FBN2: variants seen among roughly 807,000 people sequenced by gnomAD.
FBN2 encodes fibrillin-2.
A neutral mutation model predicts 355.6 loss-of-function variants in FBN2; 105 were observed. The ratio of observed to expected loss-of-function variants is 0.30; its 90% CI spans 0.25 to 0.35. FBN2 has a LOEUF of 0.35. FBN2 is among the 10% of genes least tolerant of loss of function. The pLI is 1.00. For synonymous variants in FBN2, 1,350 were observed against 1,301.2 expected (o/e 1.04, Z -0.81); for missense variants, 3,280 against 3,758.7 (o/e 0.87, Z 3.33).
At chr5:128,433,046 A>C (rs534077131) in intron 7 of FBN2, among the ~76,000 whole-genome samples, 1 of 152,132 alleles carries the variant, frequency 6.6e-6, no homozygotes, top group Non-Finnish European at 1.5e-5. Context: ...TGATCCAATC[A>C]CCTCCCACCA....
At chr5:128,405,084 T>C (rs1211656059) in intron 8 of FBN2, among the ~76,000 whole-genome samples, 2 of 152,224 alleles carry the variant, frequency 1.3e-5, no homozygotes, top group African/African-American at 2.4e-5. Context: ...GGTGGGACAA[T>C]TGCTTGAACC....
intron 34 of FBN2, among the ~76,000 whole-genome samples, chr5:128,325,810 AT>A (rs1304378613): frequency 2.0e-5 from 3 of 151,694 alleles, no homozygotes; most frequent in African/African-American, 7.3e-5. Context: ...TAGCAATTAC[AT>A]TTTCATCTGT....
intron 5 of FBN2, among the ~76,000 whole-genome samples, chr5:128,518,370 T>C (rs1250731738): frequency 6.6e-6 from 1 of 152,212 alleles, no homozygotes; most frequent in Non-Finnish European, 1.5e-5. Context: ...TAACCATTTA[T>C]ATGAATAAGT....
intron 7 of FBN2, among the ~76,000 whole-genome samples, chr5:128,415,846 C>T (rs1209002119): frequency 6.6e-6 from 1 of 152,150 alleles, no homozygotes; most frequent in Non-Finnish European, 1.5e-5. Context: ...CTTTTCTCCA[C>T]ATCCTTACCA....
chr5:128,328,642 T>G, intron 34 of FBN2, 54 bp downstream of exon 34: 1 of 1,604,326 alleles, frequency 6.2e-7, no homozygotes, highest in South Asian at 1.1e-5. Flanking sequence ...TGTTGTGGTT[T>G]CATTTACTGT....
chr5:128,319,196 A>G (rs573224130), intron 34 of FBN2, among the ~76,000 whole-genome samples, 195 bp from the exon 35 acceptor site: 1 of 152,230 alleles, frequency 6.6e-6, no homozygotes, highest in African/African-American at 2.4e-5. Context: ...TAAGATATAC[A>G]AGAATACTGT....
chr5:128,489,073 C>T (rs957852223), intron 5 of FBN2, among the ~76,000 whole-genome samples: 15 of 152,098 alleles, frequency 9.9e-5, no homozygotes, highest in Admixed American at 6.5e-4. Flanking sequence ...GAGGAATCGC[C>T]GCACTGACTT....
At chr5:128,519,199 GA>G in intron 5 of FBN2, 73 bp downstream of exon 5, 1 of 1,024,386 alleles carries the variant, frequency 9.8e-7, no homozygotes, top group Non-Finnish European at 1.5e-6. Flanking sequence ...AATCTTCATT[GA>G]ATAGCAAAAA....
intron 56 of FBN2, among the ~76,000 whole-genome samples, chr5:128,279,079 C>T (rs2126809927): frequency 6.6e-6 from 1 of 152,234 alleles, no homozygotes; most frequent in Admixed American, 6.5e-5. Context: ...TAGATTTTTT[C>T]CTCCAATCCA....
chr5:128,259,709 T>A lies in FBN2; in HGVS notation c.8485A>T (p.Asn2829Tyr), dbSNP rs1764915659. ...GAGATGACATAACGGATGTGGTTGTTGAGGGGCTGGATGGCGGGCCTTAGT... is the reference window on the plus strand; with the variant it reads ...GAGATGACATAACGGATGTGGTTGTAGAGGGGCTGGATGGCGGGCCTTAGT... The part of the protein sequence containing the change: ...LELRPAIQPL[N>Y]NHIRYVISQG... The change falls in exon 65 of 65, where the codon AAC (asparagine) becomes TAC (tyrosine). Residue 2829 changes from asparagine (N) to tyrosine (Y), a missense_variant. Physicochemically the swap from Asn to Tyr is moderately radical, Grantham distance 143. Around this residue, in one of 6 missense-constraint regions of FBN2, gnomAD observed 311 missense variants for 319.1 expected, o/e 0.97. Coordinates refer to ENST00000262464, the MANE Select transcript of FBN2 (RefSeq NM_001999.4). The A allele has an allele frequency of 6.2e-7, 1 of 1,613,714 alleles. No homozygotes were observed. Among genetic ancestry groups the A allele is most frequent in the African/African-American group, 1.3e-5 (1 of 74,846 alleles).
chr5:128,408,547 TTTACA>T, intron 8 of FBN2, 122 bp downstream of exon 8: 1 of 1,131,152 alleles, frequency 8.8e-7, no homozygotes, highest in Non-Finnish European at 1.3e-6. Flanking sequence ...ACTGGTACCG[TTTACA>T]TTAAACAACT....
intron 36 of FBN2, among the ~76,000 whole-genome samples, chr5:128,314,728 C>A (rs1750154865): frequency 6.6e-6 from 1 of 152,070 alleles, no homozygotes. Context: ...CCAGATCATC[C>A]AAATGTATTT....
At chr5:128,307,073 A>C (rs1749904629) in intron 42 of FBN2, 62 bp downstream of exon 42, 1 of 1,041,422 alleles carries the variant, frequency 9.6e-7, no homozygotes, top group South Asian at 1.3e-5. Flanking sequence ...AAAAACATAG[A>C]ATAGATTTTT....
At chr5:128,351,616 A>G (rs993494389) in intron 20 of FBN2, among the ~76,000 whole-genome samples, 55 of 152,130 alleles carry the variant, frequency 3.6e-4, no homozygotes, top group African/African-American at 1.3e-3. Context: ...GCATTCAAAT[A>G]TGGTATATTA....
In FBN2 at chr5:128,259,621, G is replaced by A. The variant is rs754475064; in HGVS notation, c.8573C>T (p.Thr2858Met). The change falls in exon 65 of 65, where the codon ACG becomes ATG. Residue 2858 changes from threonine (T) to methionine (M), a missense_variant. This residue lies in a region of FBN2 where 311 missense variants were observed against 319.1 expected (regional missense o/e 0.97). Transcript: ENST00000262464. Reference sequence around the variant, plus strand: ...GCCGGGCATGAGCTTCTTCTTGGCCGTGTGCAAGTAGCTGAGCCCATTCCT... The same window carrying A: ...GCCGGGCATGAGCTTCTTCTTGGCCATGTGCAAGTAGCTGAGCCCATTCCT... ...HQRNGLSYLH[T>M]AKKKLMPGTY... The A allele has an allele frequency of 6.2e-6, 10 of 1,614,022 alleles. No individual in the cohort carries two copies. The highest frequency in any genetic ancestry group is 4.5e-5 in the East Asian group (2 of 44,864).
intron 33 of FBN2, among the ~76,000 whole-genome samples, chr5:128,329,668 T>C (rs939476259): frequency 4.6e-5 from 7 of 152,232 alleles, no homozygotes; most frequent in African/African-American, 1.7e-4. Flanking sequence ...ATGCAAACTC[T>C]AAGGCTACAA....
At chr5:128,457,850 A>C (rs1260831783) in intron 6 of FBN2, among the ~76,000 whole-genome samples, 1 of 151,778 alleles carries the variant, frequency 6.6e-6, no homozygotes, top group Non-Finnish European at 1.5e-5. Flanking sequence ...TGCAAAAAAA[A>C]AAAACAAAAA....
intron 19 of FBN2, 139 bp from the exon 20 acceptor site, chr5:128,357,534 G>C (rs539919715): frequency 3.0e-4 from 295 of 982,154 alleles, no homozygotes; most frequent in Non-Finnish European, 3.7e-4. Context: ...AGCATAAAGT[G>C]AATGGGGAAT....
intron 7 of FBN2, among the ~76,000 whole-genome samples, chr5:128,437,835 C>CAGAA (rs1753814151): frequency 6.6e-6 from 1 of 151,492 alleles, no homozygotes; most frequent in Non-Finnish European, 1.5e-5. Context: ...GACAGACAGA[C>CAGAA]AGAAAGACAG....
Sources: gnomAD v4.1 joint callset for allele counts (sites outside exome capture counted in the v4.1 genomes callset) on GRCh38, gnomAD v4.1.1 for gene constraint, gnomAD v4.1.1 regional missense constraint, MANE v1.5 for transcripts, NCBI Gene and HGNC (gene_info 2026-07-23, HGNC 2026-07-21) for gene names.